Variants in CPQ observed in about 807,000 individuals in gnomAD.
The protein encoded by CPQ is carboxypeptidase Q, also known as Ser-Met dipeptidase.
Under a neutral mutation model 45.7 loss-of-function variants are expected in CPQ, and 37 were observed. The observed-to-expected ratio is 0.81, with a 90% CI of 0.62 to 1.07. The LOEUF (loss-of-function observed/expected upper bound fraction) is 1.07, where lower values mean the gene tolerates loss of function less well. CPQ is among the 50% of genes least tolerant of loss of function. The pLI is 0.00. For missense variants in CPQ, 537 were observed against 572.9 expected (o/e 0.94, Z 0.64); for synonymous variants, 186 against 205.8 (o/e 0.90, Z 0.82).
intron 2 of CPQ, among the ~76,000 whole-genome samples, chr8:96,790,512 A>G (rs1448083936): frequency 6.6e-6 from 1 of 152,168 alleles, no homozygotes; most frequent in African/African-American, 2.4e-5. Context: ...CAGAGGTTCT[A>G]CCACAAGGTA....
At chr8:96,747,948 A>G (rs1810211564) in intron 1 of CPQ, among the ~76,000 whole-genome samples, 1 of 152,212 alleles carries the variant, frequency 6.6e-6, no homozygotes, top group Non-Finnish European at 1.5e-5. Context: ...TTTGAATGAG[A>G]AAGACAAAGA....
chr8:96,971,570 C>T (rs1004337381), intron 5 of CPQ, among the ~76,000 whole-genome samples: 1 of 152,046 alleles, frequency 6.6e-6, no homozygotes, highest in African/African-American at 2.4e-5. Context: ...TATTTGGGAA[C>T]AAAGGAAGGG....
chr8:96,938,644 AG>A (rs1354307546), intron 4 of CPQ, among the ~76,000 whole-genome samples: 2 of 152,096 alleles, frequency 1.3e-5, no homozygotes, highest in African/African-American at 4.8e-5. Context: ...TAGCAACCAC[AG>A]GAAAGGGGCT....
At chr8:97,054,488 A>G (rs748785913) in intron 6 of CPQ, among the ~76,000 whole-genome samples, 9 of 152,244 alleles carry the variant, frequency 5.9e-5, no homozygotes, top group Non-Finnish European at 1.0e-4. Context: ...TTATCACAGC[A>G]TGGTTCACAA....
At chr8:97,062,171 T>C (rs532825057) in intron 6 of CPQ, among the ~76,000 whole-genome samples, 32 of 152,308 alleles carry the variant, frequency 2.1e-4, no homozygotes, top group Admixed American at 2.6e-4. Context: ...TTAGAAGCCC[T>C]GGTTTTCAAT....
At chr8:96,678,930 C>T (rs1365869153) in intron 1 of CPQ, among the ~76,000 whole-genome samples, 3 of 151,804 alleles carry the variant, frequency 2.0e-5, no homozygotes, top group African/African-American at 7.3e-5. Flanking sequence ...ACTGTGACCC[C>T]GTTTGTCTAT....
chr8:97,092,608 T>TGACTA (rs2130568034), intron 7 of CPQ: 1 of 152,326 alleles, frequency 6.6e-6, no homozygotes, highest in African/African-American at 2.4e-5. Flanking sequence ...CTGGGATAAC[T>TGACTA]GACTAGCCAT....
At chr8:96,888,620 T>C (rs1422135322) in intron 4 of CPQ, among the ~76,000 whole-genome samples, 1 of 152,216 alleles carries the variant, frequency 6.6e-6, no homozygotes, top group Admixed American at 6.5e-5. Flanking sequence ...GGAACTTTCC[T>C]ATTCAAAAAG....
chr8:97,074,090 C>T (rs1463718145), intron 7 of CPQ, among the ~76,000 whole-genome samples: 3 of 152,196 alleles, frequency 2.0e-5, no homozygotes. Context: ...ATTGTTATAC[C>T]ATTGGGCAGT....
At chr8:96,877,777 G>C (rs537262047) in intron 3 of CPQ, among the ~76,000 whole-genome samples, 1 of 152,114 alleles carries the variant, frequency 6.6e-6, no homozygotes, top group Non-Finnish European at 1.5e-5. Context: ...AATCTTAGTT[G>C]CAAAGAATGC....
intron 3 of CPQ, among the ~76,000 whole-genome samples, chr8:96,840,000 C>CTG (rs1554572256): frequency 1.4e-4 from 21 of 151,788 alleles, no homozygotes; most frequent in Non-Finnish European, 2.5e-4. Flanking sequence ...GATTCAAACT[C>CTG]AGTCTCTGGC....
chr8:97,001,159 T>C (rs908886260), intron 5 of CPQ, among the ~76,000 whole-genome samples: 1 of 152,190 alleles, frequency 6.6e-6, no homozygotes, highest in African/African-American at 2.4e-5. Context: ...TGGAGTTTTC[T>C]AGATATAGGA....
At chr8:96,651,252 C>T (rs915311576) in intron 1 of CPQ, among the ~76,000 whole-genome samples, 2 of 152,172 alleles carry the variant, frequency 1.3e-5, no homozygotes, top group Non-Finnish European at 2.9e-5. Context: ...CTGGCACTGC[C>T]TTGAGTCTGA....
chr8:97,106,821 GAGAA>G (rs1415284291), intron 7 of CPQ, among the ~76,000 whole-genome samples: 2 of 152,148 alleles, frequency 1.3e-5, no homozygotes, highest in African/African-American at 4.8e-5. Flanking sequence ...GCAAAGAGCC[GAGAA>G]AGAGAGGCCA....
At chr8:96,728,662 T>C (rs1295369218) in intron 1 of CPQ, among the ~76,000 whole-genome samples, 2 of 152,160 alleles carry the variant, frequency 1.3e-5, no homozygotes, top group Non-Finnish European at 2.9e-5. Context: ...AGAAAGTGCT[T>C]CATAAATCAC....
At chr8:96,712,877 A>T (rs377611596) in intron 1 of CPQ, among the ~76,000 whole-genome samples, 167 of 150,960 alleles carry the variant, frequency 1.1e-3, no homozygotes, top group African/African-American at 3.8e-3. Flanking sequence ...TCTCCCACAA[A>T]TTTTTTTTTC....
At chr8:96,824,470 A>C (rs1443494948) in intron 2 of CPQ, among the ~76,000 whole-genome samples, 1 of 152,046 alleles carries the variant, frequency 6.6e-6, no homozygotes, top group Non-Finnish European at 1.5e-5. Context: ...ACTTGAATTT[A>C]TATTGAATCT....
chr8:96,906,526 C>A (rs1812579791), intron 4 of CPQ, among the ~76,000 whole-genome samples: 1 of 152,084 alleles, frequency 6.6e-6, no homozygotes, highest in Admixed American at 6.6e-5. Flanking sequence ...TCCATTTGTG[C>A]TGCTATAACA....
chr8:96,682,976 C>G (rs1189126756), intron 1 of CPQ, among the ~76,000 whole-genome samples: 2 of 152,076 alleles, frequency 1.3e-5, no homozygotes, highest in Non-Finnish European at 2.9e-5. Context: ...ATATTCCTGT[C>G]ACTTTGTAAT....
Sources: gnomAD v4.1 joint callset for allele counts (sites outside exome capture counted in the v4.1 genomes callset) on GRCh38, gnomAD v4.1.1 for gene constraint, MANE v1.5 for transcripts, NCBI Gene and HGNC (gene_info 2026-07-23, HGNC 2026-07-21) for gene names.